The following TPP2 variants were observed in gnomAD, a reference collection of about 807,000 sequenced individuals.
The protein encoded by TPP2 is tripeptidyl-peptidase 2.
Under a neutral mutation model 155.9 loss-of-function variants are expected in TPP2, and 34 were observed. That is an observed-to-expected ratio of 0.22 (90% CI 0.17 to 0.29). The LOEUF is 0.29. Ranked by LOEUF, TPP2 falls within the 10% of genes least tolerant of loss-of-function variation. TPP2 has a pLI of 1.00. For synonymous variants in TPP2, 510 were observed against 529.4 expected, an observed-to-expected ratio of 0.96 and a Z score of 0.50; for missense variants, 1,028 against 1,522.3, an observed-to-expected ratio of 0.68 and a Z score of 5.40.
chr13:102,640,090 G>T (rs1338822624), intron 15 of TPP2, among the ~76,000 whole-genome samples, 180 bp from the exon 16 acceptor site: 2 of 148,810 alleles, frequency 1.3e-5, no homozygotes, highest in Non-Finnish European at 1.5e-5. Context: ...CTATTCAGAG[G>T]TTATCTCTGC....
At chr13:102,612,275 AAG>A (rs1365681793) in intron 2 of TPP2, among the ~76,000 whole-genome samples, 7 of 152,208 alleles carry the variant, frequency 4.6e-5, no homozygotes, top group Non-Finnish European at 1.0e-4. Flanking sequence ...AAAAGCCTCT[AAG>A]AGGGCTTCAC....
intron 1 of TPP2, among the ~76,000 whole-genome samples, chr13:102,604,112 G>GT (rs755388785): frequency 2.0e-5 from 3 of 152,166 alleles, no homozygotes; most frequent in Non-Finnish European, 2.9e-5. Flanking sequence ...AAATCAGGTG[G>GT]TGGGGGGCAT....
At chr13:102,617,075 GT>G (rs111301394) in intron 4 of TPP2, among the ~76,000 whole-genome samples, 11,903 of 143,634 alleles carry the variant, frequency 0.083, 497 homozygotes, top group African/African-American at 0.11. Flanking sequence ...CACCCGACTA[GT>G]TTTTTTTTTT....
chr13:102,604,865 A>G lies in TPP2; in HGVS notation c.238A>G (p.Thr80Ala). The G allele has an allele frequency of 3.1e-6, 5 of 1,614,166 alleles. No homozygotes were observed. Among genetic ancestry groups the G allele is most frequent in the Non-Finnish European group, 4.2e-6 (5 of 1,180,026 alleles). The change falls in exon 2 of 30, where the codon ACA (threonine) becomes GCA (alanine). Residue 80 changes from threonine (T) to alanine (A), a missense_variant. By Grantham distance (58) the Thr-to-Ala change is moderately conservative. Coordinates refer to ENST00000376052, the MANE Select transcript of TPP2 (RefSeq NM_001330588.2). ...TTGSGDVNTA[T>A]EVEPKDGEIV... ...AGGAAGTGGCGATGTGAATACTGCTACAGAAGTAGAGCCAAAGGATGGTGA... is the reference window on the plus strand; with the variant it reads ...AGGAAGTGGCGATGTGAATACTGCTGCAGAAGTAGAGCCAAAGGATGGTGA...
chr13:102,636,187 A>G (rs1595170971), intron 12 of TPP2, 37 bp from the exon 13 acceptor site: 1 of 1,532,468 alleles, frequency 6.5e-7, no homozygotes, highest in Non-Finnish European at 8.8e-7. Flanking sequence ...TTTTGACCCA[A>G]CCATTTATAT....
chr13:102,644,959 C>T lies in TPP2; in HGVS notation c.2343C>T (p.Tyr781=), dbSNP rs1039236504. The change falls in exon 19 of 30, where the codon TAC becomes TAT. Residue 781 remains tyrosine (Y), a synonymous_variant. Transcript: ENST00000376052. Reference sequence around the variant, plus strand: ...TTGATGTTCAGTCCTCCTTGAAATACGAAGATCTGGCTCCCTGCATAACTT... The same window carrying T: ...TTGATGTTCAGTCCTCCTTGAAATATGAAGATCTGGCTCCCTGCATAACTT... ...NRFDVQSSLK[Y]EDLAPCITLK... 18 of 1,613,882 alleles carry T rather than the reference C, an allele frequency of 1.1e-5. No homozygotes were observed. The highest frequency in any genetic ancestry group is 1.6e-4 in the Middle Eastern group (1 of 6,082).
At chr13:102,618,493 G>A (rs1326019346) in intron 4 of TPP2, among the ~76,000 whole-genome samples, 2 of 152,204 alleles carry the variant, frequency 1.3e-5, no homozygotes, top group South Asian at 2.1e-4. Flanking sequence ...GAATAAATGA[G>A]ATTGAGTAAA....
At chr13:102,656,504 T>C (rs929200982) in intron 24 of TPP2, among the ~76,000 whole-genome samples, 3 of 151,974 alleles carry the variant, frequency 2.0e-5, no homozygotes, top group Non-Finnish European at 4.4e-5. Flanking sequence ...CCTCGTTACC[T>C]GACAGTCATT....
intron 25 of TPP2, 86 bp from the exon 26 acceptor site, chr13:102,663,562 C>G (rs2139590438): frequency 1.1e-6 from 1 of 947,598 alleles, no homozygotes; most frequent in East Asian, 3.0e-5. Context: ...TTGGCTTAAA[C>G]TTCCAAACAA....
At chr13:102,652,202 C>G (rs1433782725) in intron 24 of TPP2, among the ~76,000 whole-genome samples, 1 of 151,966 alleles carries the variant, frequency 6.6e-6, no homozygotes, top group Non-Finnish European at 1.5e-5. Flanking sequence ...ATGGTGAAAC[C>G]CTGTCTCTAC....
At chr13:102,620,190 G>A (rs769075586) in intron 5 of TPP2, among the ~76,000 whole-genome samples, 78 of 152,300 alleles carry the variant, frequency 5.1e-4, no homozygotes, top group Non-Finnish European at 9.1e-4. Context: ...GTTTCCACAA[G>A]ATTTCCTTGG....
intron 2 of TPP2, among the ~76,000 whole-genome samples, chr13:102,609,550 A>G (rs1285637985): frequency 2.0e-5 from 3 of 151,808 alleles, no homozygotes; most frequent in Non-Finnish European, 2.9e-5. Context: ...GGTGTCTGCC[A>G]CCACACCCGG....
chr13:102,663,151 A>T (rs112683522), intron 25 of TPP2, among the ~76,000 whole-genome samples: 6,150 of 149,912 alleles, frequency 0.041, 245 homozygotes, highest in Admixed American at 0.096. Flanking sequence ...TTAATTAATT[A>T]ATTTATTTAT....
At chr13:102,602,901 G>A (rs1187423080) in intron 1 of TPP2, among the ~76,000 whole-genome samples, 2 of 150,028 alleles carry the variant, frequency 1.3e-5, no homozygotes, top group Non-Finnish European at 3.0e-5. Flanking sequence ...GAGTTTTTTT[G>A]TTTTTTTGTT....
chr13:102,624,456 G>C (rs554668479), intron 6 of TPP2, among the ~76,000 whole-genome samples: 1 of 151,980 alleles, frequency 6.6e-6, no homozygotes, highest in Non-Finnish European at 1.5e-5. Flanking sequence ...CCACAATCAA[G>C]GTAATGAACA....
chr13:102,645,326 A>G (rs1194293543), intron 19 of TPP2, among the ~76,000 whole-genome samples: 1 of 152,226 alleles, frequency 6.6e-6, no homozygotes, highest in African/African-American at 2.4e-5. Flanking sequence ...GTGAATCCTA[A>G]TGCAGTCATT....
At chr13:102,649,651 T>C (rs558954583) in intron 23 of TPP2, among the ~76,000 whole-genome samples, 165 bp downstream of exon 23, 1 of 152,290 alleles carries the variant, frequency 6.6e-6, no homozygotes, top group Non-Finnish European at 1.5e-5. Context: ...TCAGTTAATA[T>C]TTAGTTGTCT....
chr13:102,617,215 A>G (rs573895001), intron 4 of TPP2, among the ~76,000 whole-genome samples: 26 of 152,114 alleles, frequency 1.7e-4, no homozygotes, highest in Admixed American at 8.5e-4. Flanking sequence ...TGCCCGGCCT[A>G]TGTATTCTCT....
intron 6 of TPP2, among the ~76,000 whole-genome samples, chr13:102,624,431 A>G (rs1881414554): frequency 6.6e-6 from 1 of 152,196 alleles, no homozygotes; most frequent in Non-Finnish European, 1.5e-5. Flanking sequence ...ATATATCAGT[A>G]TATCCAGGAA....
Sources: gnomAD v4.1 joint callset for allele counts (sites outside exome capture counted in the v4.1 genomes callset) on GRCh38, gnomAD v4.1.1 for gene constraint, MANE v1.5 for transcripts, NCBI Gene and HGNC (gene_info 2026-07-23, HGNC 2026-07-21) for gene names.